SENP2: variants seen among roughly 807,000 people sequenced by gnomAD.
SENP2 encodes the protein SUMO specific peptidase 2, also known as sentrin-specific protease 2.
In SENP2, 16 loss-of-function variants were observed where a neutral mutation model predicts 86.3. That is an observed-to-expected ratio of 0.19 (90% CI 0.13 to 0.28). SENP2 has a LOEUF of 0.28. SENP2 is among the 10% of genes least tolerant of loss of function. The pLI is 1.00. For missense variants in SENP2, 552 were observed against 703.0 expected, an observed-to-expected ratio of 0.79 and a Z score of 2.43; for synonymous variants, 222 against 238.7, an observed-to-expected ratio of 0.93 and a Z score of 0.64.
At chr3:185,588,050 A>ATTTTTTTTTTTTT (rs1196425963) in intron 1 of SENP2, among the ~76,000 whole-genome samples, 1 of 64,786 alleles carries the variant, frequency 1.5e-5, no homozygotes, top group Non-Finnish European at 2.7e-5. Context: ...CTACCGGCTA[A>ATTTTTTTTTTTTT]TTTTTTTTTT....
intron 2 of SENP2, among the ~76,000 whole-genome samples, chr3:185,590,958 G>A (rs1406814171): frequency 8.4e-6 from 1 of 119,546 alleles, no homozygotes; most frequent in Non-Finnish European, 1.7e-5. Flanking sequence ...AGGCTGGAGT[G>A]CAGTGGCGCA....
intron 5 of SENP2, among the ~76,000 whole-genome samples, chr3:185,603,302 A>G (rs1367759315): frequency 1.3e-5 from 2 of 152,234 alleles, no homozygotes; most frequent in Non-Finnish European, 1.5e-5. Context: ...AGTTGCCAGC[A>G]GTTGGACAAA....
intron 10 of SENP2, 30 bp downstream of exon 10, chr3:185,613,438 C>T (rs750087643): frequency 7.4e-7 from 1 of 1,350,808 alleles, no homozygotes; most frequent in Non-Finnish European, 1.1e-6. Context: ...ACATTTGATA[C>T]CTGTTTACTT....
chr3:185,587,584 T>TTTTTTTTTTTTTTTTTTTTTTTTA (rs1560186545), intron 1 of SENP2, among the ~76,000 whole-genome samples: 1 of 149,576 alleles, frequency 6.7e-6, no homozygotes, highest in African/African-American at 2.5e-5. Flanking sequence ...TTTTTTTTTT[T>TTTTTTTTTTTTTTTTTTTTTTTTA]GAGAAGGAGT....
chr3:185,617,938 T>G (rs1268424300), intron 12 of SENP2, among the ~76,000 whole-genome samples: 1 of 152,032 alleles, frequency 6.6e-6, no homozygotes, highest in Non-Finnish European at 1.5e-5. Context: ...TATTTTTTTG[T>G]TTTTGTTTTT....
chr3:185,617,596 C>T lies in SENP2; in HGVS notation c.1227C>T (p.His409=). 1 of 1,613,454 alleles carries T rather than the reference C, an allele frequency of 6.2e-7. No homozygotes were observed. Among genetic ancestry groups the T allele is most frequent in the Non-Finnish European group, 8.5e-7 (1 of 1,179,620 alleles). The part of the protein sequence containing the change: ...RGDIQTLKNY[H]WLNDEVINFY... ...ATATTCAGACATTAAAGAACTATCA[C>T]TGGCTCAATGATGAAGTAAGTTGTA... The change falls in exon 12 of 17, where the codon CAC becomes CAT. Residue 409 remains histidine (H), a synonymous_variant. Coordinates refer to ENST00000296257, the MANE Select transcript of SENP2 (RefSeq NM_021627.3).
At chr3:185,608,136 G>T (rs1357875168) in intron 6 of SENP2, among the ~76,000 whole-genome samples, 1 of 152,194 alleles carries the variant, frequency 6.6e-6, no homozygotes, top group Non-Finnish European at 1.5e-5. Flanking sequence ...AGCAATTCAA[G>T]ATTAAATGAA....
intron 14 of SENP2, 33 bp from the exon 15 acceptor site, chr3:185,623,965 A>T: frequency 7.8e-7 from 1 of 1,278,130 alleles, no homozygotes; most frequent in African/African-American, 1.5e-5. Context: ...TTAGGGATTT[A>T]TTGATGTATT....
intron 2 of SENP2, among the ~76,000 whole-genome samples, chr3:185,595,313 A>G (rs1270611883): frequency 1.2e-4 from 19 of 152,216 alleles, no homozygotes; most frequent in Non-Finnish European, 2.9e-5. Context: ...ATCAATCGCT[A>G]AAGCTCTTCT....
rs1721792301 is a variant in SENP2 at position 185,586,635 on chromosome 3, G to A, written c.101+121G>A. 2 of 883,772 alleles carry A rather than the reference G, an allele frequency of 2.3e-6. No homozygotes were observed. Among genetic ancestry groups the A allele is most frequent in the Non-Finnish European group, 1.8e-6 (1 of 567,394 alleles). The allele number at this position is 883,772 out of a possible 1,614,324, so 54.7% of individuals were successfully genotyped here. ...CGAAACAGGTCGCCGGGATCCTAGT[G>A]ACGTAGTCGCTCCCGCCAGGCTGTA... On this transcript the variant is annotated intron_variant, in intron 1 of 16. Coordinates refer to ENST00000296257, the MANE Select transcript of SENP2 (RefSeq NM_021627.3). This position sits in a 1 kb window ranked among gnomAD's most constrained non-coding sequence, Gnocchi z 4.3.
chr3:185,596,674 C>T (rs747090881), intron 2 of SENP2, among the ~76,000 whole-genome samples: 36 of 151,258 alleles, frequency 2.4e-4, no homozygotes, highest in South Asian at 4.2e-4. Flanking sequence ...AGCTATAATA[C>T]GGGCTTAGTA....
chr3:185,607,233 C>T (rs557193503), intron 6 of SENP2, among the ~76,000 whole-genome samples: 4 of 146,536 alleles, frequency 2.7e-5, no homozygotes, highest in African/African-American at 1.0e-4. Flanking sequence ...ATTCTATATA[C>T]ATATAATTTA....
intron 1 of SENP2, among the ~76,000 whole-genome samples, chr3:185,589,373 C>T (rs1392448901): frequency 1.3e-5 from 2 of 152,170 alleles, no homozygotes; most frequent in Non-Finnish European, 2.9e-5. Flanking sequence ...TTAATACTGT[C>T]ACCTAAAGTA....
rs1232741295 is a variant in SENP2, at chr3:185,593,801, T to G, written c.157+3632T>G. ...TGCAGTGCAATGGTGCGATCTTGGC[T>G]TGTTGCAACCTCCACCTCCCAGGTT... On this transcript the variant is annotated intron_variant, in intron 2 of 16. Coordinates refer to ENST00000296257, the MANE Select transcript of SENP2 (RefSeq NM_021627.3). Among the ~76,000 whole-genome samples the G allele has an allele frequency of 5.3e-5, 8 of 151,814 alleles. No individual in the cohort carries two copies. In the South Asian group the frequency reaches 1.0e-3, roughly 20 times the overall value.
At chr3:185,629,652 A>G (rs1712323804) in intron 16 of SENP2, 130 bp from the exon 17 acceptor site, 1 of 813,842 alleles carries the variant, frequency 1.2e-6, no homozygotes, top group Non-Finnish European at 2.1e-6. Flanking sequence ...AGTATGTTCC[A>G]TGATGTAAAA....
intron 11 of SENP2, among the ~76,000 whole-genome samples, chr3:185,616,159 C>A (rs911855739): frequency 1.4e-5 from 2 of 146,748 alleles, no homozygotes; most frequent in African/African-American, 5.0e-5. Context: ...CCACACCCAG[C>A]CTTTTTTGAT....
rs759243423 is a variant in SENP2 at position 185,617,563 on chromosome 3, T to C, written c.1194T>C (p.Thr398=). The change falls in exon 12 of 17, where the codon ACT becomes ACC. Residue 398 remains threonine (T), a synonymous_variant. Coordinates refer to ENST00000296257, the MANE Select transcript of SENP2 (RefSeq NM_021627.3). ...GTAGTGCTTTCAAATTGCGAATTAC[T>C]CGAGGAGATATTCAGACATTAAAGA... is the stretch of plus-strand genomic sequence containing the variant. ...ILSSAFKLRI[T]RGDIQTLKNY... is the part of the protein sequence containing the mutation. 4.5e-5 allele frequency: 73 copies of C among 1,613,834 alleles called. 2 individuals are homozygous for C. The South Asian group carries it at 7.8e-4, about 17-fold the overall frequency.
chr3:185,595,437 GTACTTA>G (rs1213202874), intron 2 of SENP2, among the ~76,000 whole-genome samples: 2 of 152,096 alleles, frequency 1.3e-5, no homozygotes, highest in African/African-American at 4.8e-5. Context: ...GCATAGTTTG[GTACTTA>G]TAACTATTAG....
At chr3:185,594,024 G>A (rs760985725) in intron 2 of SENP2, among the ~76,000 whole-genome samples, 2 of 151,850 alleles carry the variant, frequency 1.3e-5, no homozygotes, top group Admixed American at 6.6e-5. Flanking sequence ...CACCTCACCC[G>A]GCTGTGTTTT....
Sources: gnomAD v4.1 joint callset for allele counts (sites outside exome capture counted in the v4.1 genomes callset) on GRCh38, gnomAD v4.1.1 for gene constraint, Gnocchi (gnomAD v3.1) non-coding constraint, MANE v1.5 for transcripts, NCBI Gene and HGNC (gene_info 2026-07-23, HGNC 2026-07-21) for gene names.